The following STX17 variants were observed in gnomAD, a reference collection of about 807,000 sequenced individuals.
The protein encoded by STX17 is syntaxin-17.
STX17 carries 29 observed loss-of-function variants against 35.9 expected under a neutral mutation model. The observed-to-expected ratio is 0.81, with a 90% CI of 0.60 to 1.10. The LOEUF is 1.10. STX17 is among the 50% of genes least tolerant of loss of function. The pLI is 0.00. For synonymous variants in STX17, 92 were observed against 118.3 expected (o/e 0.78, Z 1.44); for missense variants, 312 against 352.3 (o/e 0.89, Z 0.92).
At chr9:99,955,673 G>A (rs1829692414) in intron 4 of STX17, among the ~76,000 whole-genome samples, 1 of 152,010 alleles carries the variant, frequency 6.6e-6, no homozygotes, top group Non-Finnish European at 1.5e-5. Context: ...AAAGGGAAAA[G>A]TCTTAGGTTA....
intron 1 of STX17, among the ~76,000 whole-genome samples, chr9:99,907,876 G>A (rs1828582551): frequency 6.6e-6 from 1 of 152,024 alleles, no homozygotes; most frequent in Non-Finnish European, 1.5e-5. Context: ...TCTAAGACCC[G>A]ACATTGCAGT....
At chr9:99,907,046 G>GA (rs1828565080) in intron 1 of STX17, 1 of 152,350 alleles carries the variant, frequency 6.6e-6, no homozygotes, top group Admixed American at 6.5e-5. Flanking sequence ...TGGGTCCCGG[G>GA]ACAGACCCGC....
At chr9:99,913,537 A>G (rs1188888123) in intron 1 of STX17, among the ~76,000 whole-genome samples, 1 of 152,078 alleles carries the variant, frequency 6.6e-6, no homozygotes, top group South Asian at 2.1e-4. Flanking sequence ...TTTTTAAAAG[A>G]TTCTGTTCCT....
chr9:99,938,529 A>G lies in STX17; in HGVS notation c.189+9686A>G, dbSNP rs192412663. Among the ~76,000 whole-genome samples, 13 of 152,292 alleles carry G rather than the reference A, an allele frequency of 8.5e-5. No homozygotes were observed. The East Asian group carries it at 2.1e-3, about 25-fold the overall frequency. On this transcript the variant is annotated intron_variant, in intron 3 of 7. Coordinates refer to ENST00000259400, the MANE Select transcript of STX17 (RefSeq NM_017919.3). ...GCCAGGCGCAGTGGCTCACGCCTAT[A>G]ATGCTAACATTTTGGGAGGCCGAGG...
At chr9:99,923,277 C>A (rs914593509) in intron 2 of STX17, among the ~76,000 whole-genome samples, 6 of 152,046 alleles carry the variant, frequency 3.9e-5, no homozygotes, top group Admixed American at 6.6e-5. Context: ...CATGGGAAAG[C>A]TGCAAATGTC....
chr9:99,931,891 GT>G (rs1232150240), intron 3 of STX17, among the ~76,000 whole-genome samples: 1 of 151,914 alleles, frequency 6.6e-6, no homozygotes, highest in African/African-American at 2.4e-5. Flanking sequence ...GGTGTAATAG[GT>G]TTTTTTGTTT....
intron 4 of STX17, among the ~76,000 whole-genome samples, chr9:99,955,065 C>T (rs1206265007): frequency 6.6e-6 from 1 of 152,046 alleles, no homozygotes; most frequent in Admixed American, 6.6e-5. Flanking sequence ...GAGGAGCCTC[C>T]AAATCTGATT....
chr9:99,958,363 G>A (rs1829755436), intron 4 of STX17, among the ~76,000 whole-genome samples: 2 of 152,078 alleles, frequency 1.3e-5, no homozygotes, highest in African/African-American at 4.8e-5. Context: ...ATACTTACCA[G>A]TATTACAGTT....
rs1481117485 is a variant in STX17, at chr9:99,974,213, A to G, written c.*5540A>G. On this transcript the variant is annotated 3_prime_UTR_variant, in exon 8 of 8. Transcript: ENST00000259400. ...TCCAGCCTTGAATGGACCATTGTCCAGCTCCTGTGAAAAACTTAATATTTG... is the reference window on the plus strand; with the variant it reads ...TCCAGCCTTGAATGGACCATTGTCCGGCTCCTGTGAAAAACTTAATATTTG... 2.0e-5 allele frequency among the ~76,000 whole-genome samples: 3 copies of G among 152,206 alleles called. No homozygotes were observed. Among genetic ancestry groups the G allele is most frequent in the African/African-American group, 4.8e-5 (2 of 41,456 alleles).
At chr9:99,926,479 G>A (rs1458850175) in intron 2 of STX17, among the ~76,000 whole-genome samples, 1 of 151,712 alleles carries the variant, frequency 6.6e-6, no homozygotes, top group East Asian at 1.9e-4. Context: ...GTTTCGTTGG[G>A]AACAGTTTGA....
At chr9:99,920,669 C>G (rs1173615551) in intron 2 of STX17, among the ~76,000 whole-genome samples, 2 of 152,150 alleles carry the variant, frequency 1.3e-5, no homozygotes, top group Admixed American at 6.5e-5. Context: ...CAAAATGATA[C>G]TTTGTAAAAG....
chr9:99,927,450 G>T (rs1385874608), intron 2 of STX17, among the ~76,000 whole-genome samples: 2 of 152,008 alleles, frequency 1.3e-5, no homozygotes, highest in East Asian at 1.9e-4. Flanking sequence ...TTTCAATATG[G>T]TCTAATTTTT....
At chr9:99,942,392 T>A (rs1314691212) in intron 3 of STX17, among the ~76,000 whole-genome samples, 2 of 152,220 alleles carry the variant, frequency 1.3e-5, no homozygotes, top group African/African-American at 4.8e-5. Flanking sequence ...AGTGGTTTAC[T>A]TTTTCACTGT....
chr9:99,910,061 C>T (rs1292482845), intron 1 of STX17, among the ~76,000 whole-genome samples: 2 of 151,776 alleles, frequency 1.3e-5, no homozygotes, highest in East Asian at 1.9e-4. Context: ...GGTGAAACCC[C>T]GTCTCTACTA....
intron 3 of STX17, chr9:99,945,799 C>A: frequency 2.8e-6 from 1 of 359,404 alleles, no homozygotes; most frequent in Non-Finnish European, 5.5e-6. Context: ...TGGACAGTTG[C>A]GGCCGGGCGC....
chr9:99,942,486 CTTTTAT>C (rs1192271469), intron 3 of STX17, among the ~76,000 whole-genome samples: 2 of 151,946 alleles, frequency 1.3e-5, no homozygotes, highest in African/African-American at 4.8e-5. Context: ...GCCGTGTTTA[CTTTTAT>C]TTTTATTTTT....
rs930600880 is a variant in STX17, at chr9:99,965,024, G to A, written c.583-2629G>A. ...CCAGGATAGGGGCTGTCTGCCCTCT[G>A]CCTTATTCCCACACCCCAGCCCCAT... On this transcript the variant is annotated intron_variant, in intron 6 of 7. Transcript: ENST00000259400. 7.9e-5 allele frequency among the ~76,000 whole-genome samples: 12 copies of A among 152,104 alleles called. No individual in the cohort carries two copies. The East Asian group carries it at 2.3e-3, about 29-fold the overall frequency.
chr9:99,959,163 G>A (rs1239468135), intron 4 of STX17, among the ~76,000 whole-genome samples: 1 of 152,112 alleles, frequency 6.6e-6, no homozygotes, highest in African/African-American at 2.4e-5. Context: ...TTTTCTTTTG[G>A]TGCTTCTTCC....
rs1829969024 is a variant in STX17 at position 99,968,712 on chromosome 9, C to G, written c.*39C>G. On this transcript the variant is annotated 3_prime_UTR_variant, in exon 8 of 8. Coordinates refer to ENST00000259400, the MANE Select transcript of STX17 (RefSeq NM_017919.3). ...GTATTATTGGTGCCAACATGTCTAT[C>G]CTGAGGACCTTTGCTGCTGTTGGAC... 2 of 1,588,516 alleles carry G rather than the reference C, an allele frequency of 1.3e-6. No homozygotes were observed. The highest frequency in any genetic ancestry group is 2.2e-5 in the East Asian group (1 of 44,732).
Sources: allele counts gnomAD v4.1 joint callset (sites outside exome capture counted in the v4.1 genomes callset), GRCh38; gene constraint gnomAD v4.1.1; transcripts MANE v1.5; gene names NCBI Gene and HGNC (gene_info 2026-07-23, HGNC 2026-07-21).